MAGI1: variants seen among roughly 807,000 people sequenced by gnomAD.
The protein encoded by MAGI1 is membrane associated guanylate kinase, WW and PDZ domain containing 1.
In MAGI1, 58 loss-of-function variants were observed where a neutral mutation model predicts 139.9. That is an observed-to-expected ratio of 0.41 (90% CI 0.34 to 0.52). The LOEUF (loss-of-function observed/expected upper bound fraction) is 0.52, where lower values mean the gene tolerates loss of function less well. Among genes scored for constraint, MAGI1 ranks in the 20% least tolerant of loss-of-function variants. The probability of loss-of-function intolerance (pLI) is 0.12; values close to 1 mark genes in which losing one functional copy is unlikely to be tolerated. For synonymous variants in MAGI1, 812 were observed against 737.9 expected (o/e 1.10, Z -1.63); for missense variants, 1,874 against 1,901.6 (o/e 0.99, Z 0.27).
chr3:65,864,525 C>G (rs918582885), intron 1 of MAGI1, among the ~76,000 whole-genome samples: 1 of 152,252 alleles, frequency 6.6e-6, no homozygotes, highest in Non-Finnish European at 1.5e-5. Flanking sequence ...ACGGCAGACT[C>G]CATGTCACGT....
chr3:66,022,565 A>C (rs1435863810), intron 1 of MAGI1, among the ~76,000 whole-genome samples: 3 of 152,252 alleles, frequency 2.0e-5, no homozygotes, highest in African/African-American at 7.2e-5. Context: ...CCGAAACAAC[A>C]GTCTCATCTG....
At chr3:65,855,634 A>ACGGGGGAGGAGAGAGGGGAGGGG (rs376422485) in intron 1 of MAGI1, among the ~76,000 whole-genome samples, 1 of 94,340 alleles carries the variant, frequency 1.1e-5, no homozygotes, top group Non-Finnish European at 2.2e-5. Context: ...AGGGGAGGGG[A>ACGGGGGAGGAGAGAGGGGAGGGG]AGGGAGAAAC....
intron 2 of MAGI1, among the ~76,000 whole-genome samples, chr3:65,509,944 C>G (rs1312082378): frequency 1.3e-5 from 2 of 152,188 alleles, no homozygotes; most frequent in Non-Finnish European, 2.9e-5. Context: ...TCCCAGCACG[C>G]AGAAGGAGAT....
chr3:65,898,595 C>T (rs2061082377), intron 1 of MAGI1, among the ~76,000 whole-genome samples: 1 of 152,134 alleles, frequency 6.6e-6, no homozygotes, highest in Non-Finnish European at 1.5e-5. Flanking sequence ...TGTCTCATTT[C>T]ACAAAAGTTC....
At chr3:65,803,651 C>T (rs182083575) in intron 1 of MAGI1, among the ~76,000 whole-genome samples, 12 of 152,254 alleles carry the variant, frequency 7.9e-5, no homozygotes, top group Non-Finnish European at 1.5e-4. Context: ...CACTCAGGTA[C>T]TAAGCCTAGT....
Position 65,781,825 on chromosome 3 carries a change from C to T in MAGI1, c.314-159737G>A, listed in dbSNP as rs538501253. Among the ~76,000 whole-genome samples the T allele has an allele frequency of 5.9e-5, 9 of 152,308 alleles. No individual in the cohort carries two copies. The South Asian group carries it at 6.2e-4, about 11-fold the overall frequency. On this transcript the variant is annotated intron_variant, in intron 1 of 22. Transcript: ENST00000402939. ...CTCCATCACCCTGACTCTGCAACTA[C>T]GCAAACACAGAGAGTACAGGCAGCT...
intron 3 of MAGI1, among the ~76,000 whole-genome samples, chr3:65,488,487 C>A (rs1337445663): frequency 6.9e-6 from 1 of 143,898 alleles, no homozygotes; most frequent in Non-Finnish European, 1.5e-5. Flanking sequence ...TAGGCATGCA[C>A]CACCAAGCCC....
chr3:65,370,586 A>G (rs1289774403), intron 18 of MAGI1, among the ~76,000 whole-genome samples: 1 of 152,174 alleles, frequency 6.6e-6, no homozygotes, highest in Non-Finnish European at 1.5e-5. Context: ...TGGATAATCC[A>G]CCTTGCATGA....
chr3:65,545,565 T>C (rs1337209432), intron 2 of MAGI1, among the ~76,000 whole-genome samples: 1 of 152,152 alleles, frequency 6.6e-6, no homozygotes, highest in African/African-American at 2.4e-5. Context: ...GACAGGCCTT[T>C]ATTGTGATGA....
intron 2 of MAGI1, among the ~76,000 whole-genome samples, chr3:65,574,582 T>C (rs1391854754): frequency 6.6e-6 from 1 of 151,910 alleles, no homozygotes; most frequent in African/African-American, 2.4e-5. Flanking sequence ...AATCCTACCA[T>C]ACGTTTTGTC....
chr3:65,905,986 A>G (rs2061419493), intron 1 of MAGI1, among the ~76,000 whole-genome samples: 1 of 152,204 alleles, frequency 6.6e-6, no homozygotes. Flanking sequence ...TGGTTTATCC[A>G]CAATTAAGGC....
intron 1 of MAGI1, among the ~76,000 whole-genome samples, chr3:65,746,782 G>T (rs73832941): frequency 6.6e-6 from 1 of 152,046 alleles, no homozygotes; most frequent in Non-Finnish European, 1.5e-5. Context: ...ATATTACTTT[G>T]TACTGCTTCT....
intron 1 of MAGI1, among the ~76,000 whole-genome samples, chr3:65,778,237 C>T (rs1036993749): frequency 6.6e-6 from 1 of 152,022 alleles, no homozygotes; most frequent in African/African-American, 2.4e-5. Context: ...CAAGATCAGG[C>T]TGGCCAACAT....
intron 18 of MAGI1, chr3:65,371,882 C>T: frequency 2.3e-6 from 1 of 443,626 alleles, no homozygotes; most frequent in South Asian, 1.6e-5. Context: ...TCCGGCTCCA[C>T]TTCCAATTCT....
chr3:65,952,745 T>C (rs1290009903), intron 1 of MAGI1, among the ~76,000 whole-genome samples: 1 of 151,904 alleles, frequency 6.6e-6, no homozygotes, highest in Non-Finnish European at 1.5e-5. Context: ...ACCCAGGAGG[T>C]GGAGCTTGCA....
At chr3:66,021,249 C>G (rs1343467254) in intron 1 of MAGI1, among the ~76,000 whole-genome samples, 1 of 152,202 alleles carries the variant, frequency 6.6e-6, no homozygotes, top group Non-Finnish European at 1.5e-5. Context: ...AAATATTGCA[C>G]AGTGTAGATA....
chr3:65,948,170 C>T (rs1475124168), intron 1 of MAGI1, among the ~76,000 whole-genome samples: 1 of 151,914 alleles, frequency 6.6e-6, no homozygotes, highest in South Asian at 2.1e-4. Context: ...TCTCAAACTC[C>T]TAACCTTAAG....
intron 1 of MAGI1, among the ~76,000 whole-genome samples, chr3:65,957,345 C>G (rs1452782701): frequency 8.9e-6 from 1 of 112,524 alleles, no homozygotes; most frequent in African/African-American, 3.7e-5. Context: ...AAAACCCTGT[C>G]TCTACAAAAA....
At chr3:65,450,209 G>A (rs1948946153) in intron 6 of MAGI1, among the ~76,000 whole-genome samples, 1 of 152,192 alleles carries the variant, frequency 6.6e-6, no homozygotes, top group Non-Finnish European at 1.5e-5. Context: ...AGAGTAGCAA[G>A]CTATGGACCT....
Sources: gnomAD v4.1 joint callset for allele counts (sites outside exome capture counted in the v4.1 genomes callset) on GRCh38, gnomAD v4.1.1 for gene constraint, MANE v1.5 for transcripts, NCBI Gene and HGNC (gene_info 2026-07-23, HGNC 2026-07-21) for gene names.